The following RFX1 variants were observed in gnomAD, a reference collection of about 807,000 sequenced individuals.
RFX1 encodes regulatory factor X1, also known as MHC class II regulatory factor RFX1.
A neutral mutation model predicts 119.6 loss-of-function variants in RFX1; 42 were observed. The ratio of observed to expected loss-of-function variants is 0.35; its 90% CI spans 0.27 to 0.45. The LOEUF (loss-of-function observed/expected upper bound fraction) is 0.45. Ranked by LOEUF, RFX1 falls within the 20% of genes least tolerant of loss-of-function variation. The pLI is 1.00. For missense variants in RFX1, 1,118 were observed against 1,368.1 expected (o/e 0.82, Z 2.88); for synonymous variants, 628 against 618.5 (o/e 1.02, Z -0.23).
Position 13,962,505 on chromosome 19 carries a change from C to T in RFX1, c.*190G>A. 1.8e-6 allele frequency: 1 copy of T among 556,678 alleles called. No homozygotes were observed. Among genetic ancestry groups the T allele is most frequent in the Non-Finnish European group, 3.1e-6 (1 of 322,904 alleles). 34.5% of individuals were successfully genotyped at this position (556,678 alleles called of 1,614,324 possible). On this transcript the variant is annotated 3_prime_UTR_variant, in exon 21 of 21. Transcript: ENST00000254325. ...GGCACGTCTTTTGTGTCAGAGTTTGCAGCTGCGGCTCCGCCCAGCCCACTG... is the reference window on the plus strand; with the variant it reads ...GGCACGTCTTTTGTGTCAGAGTTTGTAGCTGCGGCTCCGCCCAGCCCACTG...
chr19:13,993,864 T>G lies in RFX1; in HGVS notation c.-21A>C. The stretch of plus-strand genomic sequence containing the variant: ...GCCATGCCAACGGTGGGGAAAATGA[T>G]AATAAATAAGGCTTTTTTTTTTTTT... On this transcript the variant is annotated 5_prime_UTR_variant, in exon 2 of 21. Transcript: ENST00000254325. The G allele has an allele frequency of 6.7e-7, 1 of 1,498,320 alleles. No individual in the cohort carries two copies. The highest frequency in any genetic ancestry group is 8.9e-7 in the Non-Finnish European group (1 of 1,125,268). The allele number at this position is 1,498,320 out of a possible 1,614,324, so 92.8% of individuals were successfully genotyped here.
chr19:13,964,730 C>T (rs2145532327), intron 16 of RFX1, among the ~76,000 whole-genome samples: 1 of 152,322 alleles, frequency 6.6e-6, no homozygotes, highest in Admixed American at 6.5e-5. Flanking sequence ...GATCCGCCCG[C>T]CTCGCCTCCC....
At chr19:13,984,633 C>A (rs1301675742) in intron 2 of RFX1, among the ~76,000 whole-genome samples, 1 of 151,946 alleles carries the variant, frequency 6.6e-6, no homozygotes, top group Non-Finnish European at 1.5e-5. Flanking sequence ...ACCTGGCATA[C>A]CCCCAGCAGC....
chr19:14,002,613 C>G (rs994935334), intron 1 of RFX1, among the ~76,000 whole-genome samples: 3 of 152,220 alleles, frequency 2.0e-5, no homozygotes, highest in Non-Finnish European at 2.9e-5. Context: ...GCATCAAAGG[C>G]AGGTTCCAGT....
At chr19:13,967,772 C>A (rs1234249796) in intron 12 of RFX1, among the ~76,000 whole-genome samples, 1 of 152,166 alleles carries the variant, frequency 6.6e-6, no homozygotes, top group Non-Finnish European at 1.5e-5. Flanking sequence ...ACCACTGCAC[C>A]AGGCCTTACT....
chr19:13,994,042 C>T, intron 1 of RFX1, 147 bp from the exon 2 acceptor site: 1 of 579,252 alleles, frequency 1.7e-6, no homozygotes, highest in Non-Finnish European at 3.0e-6. Context: ...TTAATTAAAT[C>T]CCCAGGCTGG....
rs747668425 is a variant in RFX1, at chr19:13,965,644, C to A, written c.2095G>T (p.Val699Leu). ...QGLVEILIPDVLRPIPSALTQ... is the reference protein window; with the variant it reads ...QGLVEILIPDLLRPIPSALTQ... ...CACTCACTGGGGATGGGCCGCAGCA[C>A]GTCGGGAATGAGGATTTCCACCAGG... Residue 699 changes from valine to leucine, a missense_variant, in exon 15 of 21, where the codon GTG becomes TTG. Transcript: ENST00000254325. The surrounding 1 kb of genome is among the most constrained non-coding windows in gnomAD (Gnocchi z 4.7). The A allele has an allele frequency of 6.2e-7, 1 of 1,613,604 alleles. No individual in the cohort carries two copies. Among genetic ancestry groups the A allele is most frequent in the Non-Finnish European group, 8.5e-7 (1 of 1,179,898 alleles).
At chr19:13,983,642 C>G in intron 2 of RFX1, 47 bp from the exon 3 acceptor site, 1 of 1,469,092 alleles carries the variant, frequency 6.8e-7, no homozygotes, top group Non-Finnish European at 9.2e-7. Context: ...TTCCCTGCCC[C>G]CAGCCTAAGC....
At chr19:13,972,147 C>T (rs538317749) in intron 9 of RFX1, among the ~76,000 whole-genome samples, 8 of 137,926 alleles carry the variant, frequency 5.8e-5, no homozygotes, top group South Asian at 2.2e-4. Context: ...TCAGCCTGGA[C>T]GACAGAACAA....
chr19:13,964,597 T>C (rs1973833873), intron 16 of RFX1, among the ~76,000 whole-genome samples: 1 of 152,176 alleles, frequency 6.6e-6, no homozygotes, highest in Non-Finnish European at 1.5e-5. Context: ...TTCTCGTGCC[T>C]CAGCCTCCTG....
At chr19:13,993,963 T>G in intron 1 of RFX1, 68 bp from the exon 2 acceptor site, 1 of 883,910 alleles carries the variant, frequency 1.1e-6, no homozygotes, top group South Asian at 1.7e-5. Flanking sequence ...AAACAGGAAT[T>G]AATCCACAGG....
chr19:13,992,278 CA>C (rs568566540), intron 2 of RFX1, among the ~76,000 whole-genome samples: 2 of 152,106 alleles, frequency 1.3e-5, no homozygotes, highest in African/African-American at 4.8e-5. Flanking sequence ...ATCTCTAAAC[CA>C]AAAAAACACA....
At chr19:13,994,893 CATATAT>C (rs566150731) in intron 1 of RFX1, among the ~76,000 whole-genome samples, 4,789 of 58,770 alleles carry the variant, frequency 0.081, 215 homozygotes, top group Middle Eastern at 0.14. Context: ...AATATACATA[CATATAT>C]ATATATATAT....
chr19:13,994,046 A>C (rs1268043531), intron 1 of RFX1, among the ~76,000 whole-genome samples, 151 bp from the exon 2 acceptor site: 1 of 151,998 alleles, frequency 6.6e-6, no homozygotes, highest in African/African-American at 2.4e-5. Context: ...TTAAATCCCC[A>C]GGCTGGTGGC....
rs2145585563 is a variant in RFX1, at chr19:13,980,808, C to T, written c.622-119G>A. ...TGGGGAGGGCGGCAGTCTGTGGGGACCTATCCCAACCACCGAGGCTGGTAA... is the reference window on the plus strand; with the variant it reads ...TGGGGAGGGCGGCAGTCTGTGGGGATCTATCCCAACCACCGAGGCTGGTAA... On this transcript the variant is annotated intron_variant, in intron 5 of 20. Transcript: ENST00000254325. The surrounding 1 kb of genome is among the most constrained non-coding windows in gnomAD (Gnocchi z 5.1). The T allele has an allele frequency of 1.7e-6, 1 of 599,568 alleles. No homozygotes were observed. The highest frequency in any genetic ancestry group is 2.9e-6 in the Non-Finnish European group (1 of 340,304). The allele number at this position is 599,568 out of a possible 1,614,324, so 37.1% of individuals were successfully genotyped here.
rs747615075 is a variant in RFX1, at chr19:13,963,046, G to A, written c.2725-7C>T. On this transcript the variant is annotated splice_region_variant and splice_polypyrimidine_tract_variant and intron_variant, in intron 19 of 20. Transcript: ENST00000254325. ...AGGTGGCCAGATTGGCGAACTGGAG[G>A]AAGAAGAGAAGAAAATGGGTGAGGG... 106 of 1,572,118 alleles carry A rather than the reference G, an allele frequency of 6.7e-5. No homozygotes were observed. Among genetic ancestry groups the A allele is most frequent in the Non-Finnish European group, 8.6e-5 (100 of 1,158,362 alleles).
Position 13,970,278 on chromosome 19 carries a change from C to G in RFX1, c.1315-103G>C. 4 of 953,594 alleles carry G rather than the reference C, an allele frequency of 4.2e-6. No homozygotes were observed. In the South Asian group the frequency reaches 6.7e-5, roughly 16 times the overall value. 59.1% of individuals were successfully genotyped at this position (953,594 alleles called of 1,614,324 possible). Reference sequence around the variant, plus strand: ...CATCGACTTCCAGCTGGGATCCTGACAGCCACGCCCACATAAGTTAGCACA... The same window carrying G: ...CATCGACTTCCAGCTGGGATCCTGAGAGCCACGCCCACATAAGTTAGCACA... On this transcript the variant is annotated intron_variant, in intron 9 of 20. Coordinates refer to ENST00000254325, the MANE Select transcript of RFX1 (RefSeq NM_002918.5).
rs2145581554 is a variant in RFX1, at chr19:13,979,449, C to T, written c.832G>A (p.Glu278Lys). 1 of 1,583,674 alleles carries T rather than the reference C, an allele frequency of 6.3e-7. No homozygotes were observed. The highest frequency in any genetic ancestry group is 1.1e-5 in the South Asian group (1 of 87,770). Residue 278 changes from glutamate (E) to lysine (K), a missense_variant and splice_region_variant, in exon 7 of 21, where the codon GAG becomes AAG. This residue lies in a region of RFX1 where 542 missense variants were observed against 602.7 expected (regional missense o/e 0.90). Transcript: ENST00000254325. ...QGLQPVHVAQ[E>K]VQQLQQVPVP... ...GGGTAGGAGGGGGAGACACACACCT[C>T]TTGAGCCACGTGGACTGGCTGGAGG...
chr19:13,986,669 A>G lies in RFX1; in HGVS notation c.320-3074T>C, dbSNP rs951282543. ...AGGCCAGGGAGGCCCCCACTGTCTC[A>G]GGAAACGGCGGCCGATTTCCTGTCT... On this transcript the variant is annotated intron_variant, in intron 2 of 20. Transcript: ENST00000254325. The surrounding 1 kb of genome is among the most constrained non-coding windows in gnomAD (Gnocchi z 4.2). Among the ~76,000 whole-genome samples the G allele has an allele frequency of 6.6e-6, 1 of 152,160 alleles. No individual in the cohort carries two copies. Among genetic ancestry groups the G allele is most frequent in the African/African-American group, 2.4e-5 (1 of 41,424 alleles).
Sources: gnomAD v4.1 joint callset for allele counts (sites outside exome capture counted in the v4.1 genomes callset) on GRCh38, gnomAD v4.1.1 for gene constraint, gnomAD v4.1.1 regional missense constraint, Gnocchi (gnomAD v3.1) non-coding constraint, MANE v1.5 for transcripts, NCBI Gene and HGNC (gene_info 2026-07-23, HGNC 2026-07-21) for gene names.